BARD1: variants seen among roughly 807,000 people sequenced by gnomAD.
The protein encoded by BARD1 is BRCA1 associated RING domain 1, also known as BRCA1-associated RING domain protein 1.
BARD1 carries 73 observed loss-of-function variants against 77.0 expected under a neutral mutation model. The observed-to-expected ratio is 0.95, with a 90% confidence interval of 0.79 to 1.15. BARD1 has a LOEUF of 1.15. BARD1 is among the 50% of genes most tolerant of loss of function. The probability of loss-of-function intolerance (pLI) is 0.00; values close to 1 mark genes in which losing one functional copy is unlikely to be tolerated. For missense variants in BARD1, 993 were observed against 938.8 expected (o/e 1.06, Z -0.75); for synonymous variants, 384 against 338.0 (o/e 1.14, Z -1.49).
At chr2:214,797,371 T>G (rs934058699) in intron 1 of BARD1, among the ~76,000 whole-genome samples, 1 of 152,178 alleles carries the variant, frequency 6.6e-6, no homozygotes, top group Non-Finnish European at 1.5e-5. Context: ...TTCTAGAAAG[T>G]TGGAGAAAGG....
At chr2:214,786,178 G>C (rs551197144) in intron 3 of BARD1, among the ~76,000 whole-genome samples, 7 of 151,310 alleles carry the variant, frequency 4.6e-5, no homozygotes, top group Admixed American at 3.9e-4. Context: ...GATGTTACAA[G>C]GTGTTCAATA....
At position 214,780,466 on chromosome 2, in the gene BARD1, T is replaced by C. The variant is rs1049644277; in HGVS notation, c.1314+94A>G. 5 of 1,046,082 alleles carry C rather than the reference T, an allele frequency of 4.8e-6. No individual in the cohort carries two copies. The African/African-American group carries it at 7.9e-5, about 17-fold the overall frequency. 64.8% of individuals were successfully genotyped at this position (1,046,082 alleles called of 1,614,324 possible). A position where few individuals can be genotyped will look rare whatever the true frequency, so the allele number is the denominator to read the frequency against. On this transcript the variant is annotated intron_variant, in intron 4 of 10. Transcript: ENST00000260947. ...TATCATGTCTGTGAAAGGTTAATTA[T>C]CCTAGTAATCCTATGCCATTTTTCA...
chr2:214,741,192 T>C (rs1323506658), intron 9 of BARD1, among the ~76,000 whole-genome samples: 4 of 152,138 alleles, frequency 2.6e-5, no homozygotes, highest in African/African-American at 9.6e-5. Flanking sequence ...ATTCCTTCAG[T>C]AATTCCCTTA....
At chr2:214,773,094 T>A in intron 4 of BARD1, among the ~76,000 whole-genome samples, 1 of 152,302 alleles carries the variant, frequency 6.6e-6, no homozygotes, top group South Asian at 2.1e-4. Flanking sequence ...TTATTCCTAA[T>A]CTTTCAATCA....
chr2:214,805,819 A>C (rs1259730984), intron 1 of BARD1, among the ~76,000 whole-genome samples: 2 of 152,170 alleles, frequency 1.3e-5, no homozygotes, highest in Non-Finnish European at 2.9e-5. Flanking sequence ...CTAACTTTTC[A>C]TAAAAAGTTG....
intron 6 of BARD1, among the ~76,000 whole-genome samples, chr2:214,759,570 G>A (rs1693852690): frequency 6.6e-6 from 1 of 152,020 alleles, no homozygotes; most frequent in Non-Finnish European, 1.5e-5. Context: ...AGGGTTAAAT[G>A]ACTTAATACT....
chr2:214,791,812 A>C (rs933008652), intron 3 of BARD1, among the ~76,000 whole-genome samples: 1 of 152,184 alleles, frequency 6.6e-6, no homozygotes, highest in Non-Finnish European at 1.5e-5. Flanking sequence ...TATTCTGCAG[A>C]AGTTATCATA....
intron 3 of BARD1, among the ~76,000 whole-genome samples, chr2:214,790,290 C>A (rs1357124973): frequency 2.0e-5 from 3 of 152,070 alleles, no homozygotes; most frequent in Non-Finnish European, 4.4e-5. Flanking sequence ...TGTTGAGGTC[C>A]TAACCCCCCA....
intron 6 of BARD1, among the ~76,000 whole-genome samples, chr2:214,762,876 T>A (rs2106064771): frequency 6.6e-6 from 1 of 150,384 alleles, no homozygotes; most frequent in East Asian, 2.0e-4. Flanking sequence ...TGGCTAATTC[T>A]CCACCCCACC....
At chr2:214,809,173 A>C (rs1017885365) in intron 1 of BARD1, among the ~76,000 whole-genome samples, 1 of 152,216 alleles carries the variant, frequency 6.6e-6, no homozygotes, top group Non-Finnish European at 1.5e-5. Context: ...GCTGAAGTTC[A>C]AAAACTACCG....
chr2:214,763,710 C>G (rs1222674473), intron 6 of BARD1, among the ~76,000 whole-genome samples: 2 of 152,126 alleles, frequency 1.3e-5, no homozygotes, highest in Non-Finnish European at 2.9e-5. Context: ...GTAAGAGATA[C>G]AGTAAGCAGA....
intron 9 of BARD1, among the ~76,000 whole-genome samples, chr2:214,737,493 C>T (rs1692618576): frequency 1.3e-5 from 2 of 152,182 alleles, no homozygotes; most frequent in East Asian, 3.9e-4. Context: ...GCTAAGGTTG[C>T]CACTGTCTAA....
intron 5 of BARD1, among the ~76,000 whole-genome samples, chr2:214,768,813 A>G (rs1212414247): frequency 1.3e-5 from 2 of 152,248 alleles, no homozygotes; most frequent in East Asian, 3.8e-4. Flanking sequence ...TGGATAGGGT[A>G]TAAGTGAGGC....
chr2:214,759,431 G>C (rs1693846639), intron 6 of BARD1, among the ~76,000 whole-genome samples: 1 of 152,084 alleles, frequency 6.6e-6, no homozygotes, highest in South Asian at 2.1e-4. Context: ...ATGATGTTTT[G>C]AACAGTTATA....
At chr2:214,739,167 T>C (rs1574724229) in intron 9 of BARD1, among the ~76,000 whole-genome samples, 1 of 151,954 alleles carries the variant, frequency 6.6e-6, no homozygotes, top group African/African-American at 2.4e-5. Context: ...GTTATTATTC[T>C]GGAATTAATG....
chr2:214,785,424 C>T (rs1695226964), intron 3 of BARD1, among the ~76,000 whole-genome samples: 1 of 151,940 alleles, frequency 6.6e-6, no homozygotes. Context: ...TAGGTAAAAT[C>T]AACCCAGCTC....
At chr2:214,763,061 T>C (rs1264611367) in intron 6 of BARD1, among the ~76,000 whole-genome samples, 1 of 152,154 alleles carries the variant, frequency 6.6e-6, no homozygotes. Context: ...CCATCTTCTC[T>C]GGCCTCTCAT....
intron 3 of BARD1, among the ~76,000 whole-genome samples, chr2:214,789,373 TC>T (rs1432679309): frequency 6.7e-6 from 1 of 148,830 alleles, no homozygotes. Flanking sequence ...CCCTATCTCT[TC>T]TAAAAAAAAA....
At chr2:214,735,736 T>C (rs952614823) in intron 9 of BARD1, among the ~76,000 whole-genome samples, 3 of 152,158 alleles carry the variant, frequency 2.0e-5, no homozygotes, top group Non-Finnish European at 2.9e-5. Context: ...TGTGAATATG[T>C]CAAATGCTTA....
Sources: gnomAD v4.1 joint callset for allele counts (sites outside exome capture counted in the v4.1 genomes callset) on GRCh38, gnomAD v4.1.1 for gene constraint, MANE v1.5 for transcripts, NCBI Gene and HGNC (gene_info 2026-07-23, HGNC 2026-07-21) for gene names.